AGBL4: variants seen among roughly 807,000 people sequenced by gnomAD.
AGBL4 encodes AGBL carboxypeptidase 4.
A neutral mutation model predicts 66.4 loss-of-function variants in AGBL4; 58 were observed. That is an observed-to-expected ratio of 0.87 (90% CI 0.71 to 1.09). The LOEUF (loss-of-function observed/expected upper bound fraction) is 1.09. AGBL4 is among the 50% of genes least tolerant of loss of function. AGBL4 has a pLI of 0.00. For synonymous variants in AGBL4, 234 were observed against 222.9 expected (o/e 1.05, Z -0.44); for missense variants, 579 against 631.0 (o/e 0.92, Z 0.88).
At chr1:49,375,198 T>C (rs12120453) in intron 3 of AGBL4, among the ~76,000 whole-genome samples, 12,674 of 152,116 alleles carry the variant, frequency 0.083, 806 homozygotes, top group African/African-American at 0.16. Context: ...TCAGACATGA[T>C]ACCTGCCCTT....
At chr1:49,240,894 A>G (rs887223451) in intron 4 of AGBL4, among the ~76,000 whole-genome samples, 1 of 151,844 alleles carries the variant, frequency 6.6e-6, no homozygotes, top group Non-Finnish European at 1.5e-5. Flanking sequence ...AAATCTTCCT[A>G]AACTGTTTCT....
At chr1:49,441,733 A>AGGT (rs1646035424) in intron 3 of AGBL4, among the ~76,000 whole-genome samples, 1 of 152,234 alleles carries the variant, frequency 6.6e-6, no homozygotes, top group Admixed American at 6.5e-5. Flanking sequence ...TTGAATCCTG[A>AGGT]GGTGGCAGGG....
At chr1:48,823,785 T>A (rs1473543319) in intron 6 of AGBL4, among the ~76,000 whole-genome samples, 1 of 152,238 alleles carries the variant, frequency 6.6e-6, no homozygotes, top group East Asian at 1.9e-4. Context: ...CCAAAGCATG[T>A]GTAATGCATG....
At chr1:48,992,200 A>G (rs990101744) in intron 5 of AGBL4, among the ~76,000 whole-genome samples, 2 of 151,758 alleles carry the variant, frequency 1.3e-5, no homozygotes, top group African/African-American at 4.8e-5. Context: ...TTGTAGCCAT[A>G]TCTGCATTAA....
chr1:49,395,563 T>A (rs919357262), intron 3 of AGBL4, among the ~76,000 whole-genome samples: 12 of 148,550 alleles, frequency 8.1e-5, no homozygotes, highest in African/African-American at 2.2e-4. Context: ...TGTGTGTGTG[T>A]GATATTATAT....
At chr1:49,197,127 C>A (rs552281651) in intron 4 of AGBL4, among the ~76,000 whole-genome samples, 2 of 152,176 alleles carry the variant, frequency 1.3e-5, no homozygotes, top group Non-Finnish European at 2.9e-5. Context: ...CTGTGCCTGG[C>A]CCGATGTATG....
Position 49,044,362 on chromosome 1 carries a change from G to A in AGBL4, c.594+1222C>T, listed in dbSNP as rs1476105037. 2.0e-5 allele frequency among the ~76,000 whole-genome samples: 3 copies of A among 152,156 alleles called. 1 individual carries two copies. The highest frequency in any genetic ancestry group is 4.2e-4 in the South Asian group (2 of 4,810). ...AATACAAAAATTAGCTGGGTGTGGT[G>A]GCTGTAATCCCAGCTACTCGGGAGG... is the stretch of plus-strand genomic sequence containing the variant. On this transcript the variant is annotated intron_variant, in intron 5 of 13. Coordinates refer to ENST00000371839, the MANE Select transcript of AGBL4 (RefSeq NM_032785.4).
intron 3 of AGBL4, among the ~76,000 whole-genome samples, chr1:49,507,102 C>G (rs1054255520): frequency 6.6e-6 from 1 of 151,946 alleles, no homozygotes; most frequent in Non-Finnish European, 1.5e-5. Flanking sequence ...CCTAAACCAC[C>G]CTGTAAAAAG....
intron 5 of AGBL4, among the ~76,000 whole-genome samples, chr1:49,022,628 T>C (rs976631289): frequency 2.6e-5 from 4 of 152,142 alleles, no homozygotes; most frequent in African/African-American, 9.7e-5. Flanking sequence ...CTTGATAAAC[T>C]GTAGAATGCC....
intron 3 of AGBL4, among the ~76,000 whole-genome samples, chr1:49,515,109 A>T (rs989088647): frequency 7.2e-5 from 11 of 152,132 alleles, no homozygotes; most frequent in Non-Finnish European, 1.3e-4. Flanking sequence ...CAACCTACAG[A>T]ATGGGAGAAG....
intron 11 of AGBL4, among the ~76,000 whole-genome samples, chr1:48,560,363 G>A (rs1644379535): frequency 6.6e-6 from 1 of 152,164 alleles, no homozygotes; most frequent in Non-Finnish European, 1.5e-5. Context: ...CACTGTGGGT[G>A]ATCCTCAAAT....
At chr1:49,128,619 G>C (rs1252477205) in intron 4 of AGBL4, among the ~76,000 whole-genome samples, 1 of 151,930 alleles carries the variant, frequency 6.6e-6, no homozygotes, top group African/African-American at 2.4e-5. Flanking sequence ...AATAAGGAAA[G>C]GATTGTTCCT....
chr1:49,073,919 G>A (rs1014462078), intron 4 of AGBL4, among the ~76,000 whole-genome samples: 1 of 152,170 alleles, frequency 6.6e-6, no homozygotes, highest in Non-Finnish European at 1.5e-5. Context: ...TCTGACTGGG[G>A]CTGCTGCTTT....
intron 4 of AGBL4, among the ~76,000 whole-genome samples, chr1:49,187,059 T>C (rs916964400): frequency 1.3e-5 from 2 of 152,344 alleles, no homozygotes; most frequent in Admixed American, 1.3e-4. Flanking sequence ...AATTTGGCTT[T>C]AGCCAGCATT....
Position 48,534,238 on chromosome 1 carries a change from A to G in AGBL4, c.1447T>C (p.Tyr483His), listed in dbSNP as rs1643933573. Residue 483 changes from tyrosine to histidine, a missense_variant, in exon 14 of 14, where the codon TAC (tyrosine) becomes CAC (histidine). Physicochemically the swap from Tyr to His is moderately conservative, Grantham distance 83 (BLOSUM62 2). Coordinates refer to ENST00000371839, the MANE Select transcript of AGBL4 (RefSeq NM_032785.4). ...TTCTTGTCCCCTTTGCTGTTGGGGT[A>G]GTTGCTGGCTGGGCCCCGCAGGAGT... ...HPLLRGPASN[Y>H]PNSKGDKKSS... is the part of the protein sequence containing the mutation. 24 of 1,551,656 alleles carry G rather than the reference A, an allele frequency of 1.5e-5. No individual in the cohort carries two copies. The highest frequency in any genetic ancestry group is 2.1e-5 in the Non-Finnish European group (24 of 1,146,932).
chr1:49,782,561 T>A (rs954318291), intron 2 of AGBL4, among the ~76,000 whole-genome samples: 1 of 152,176 alleles, frequency 6.6e-6, no homozygotes, highest in Admixed American at 6.5e-5. Flanking sequence ...GAAGTTCTCA[T>A]GAGTGAGATT....
intron 1 of AGBL4, among the ~76,000 whole-genome samples, chr1:49,935,422 A>G (rs1653873831): frequency 6.6e-6 from 1 of 152,188 alleles, no homozygotes; most frequent in South Asian, 2.1e-4. Flanking sequence ...GACAAACAAA[A>G]AGACAGCAGT....
chr1:49,262,213 G>A (rs993871052), intron 3 of AGBL4, among the ~76,000 whole-genome samples: 1 of 152,098 alleles, frequency 6.6e-6, no homozygotes, highest in Non-Finnish European at 1.5e-5. Flanking sequence ...AACCCTAGAA[G>A]AAAACCTAGG....
At chr1:49,021,461 G>C (rs1446646986) in intron 5 of AGBL4, among the ~76,000 whole-genome samples, 1 of 152,008 alleles carries the variant, frequency 6.6e-6, no homozygotes, top group Non-Finnish European at 1.5e-5. Context: ...CATAAGGGTG[G>C]AGCCCTCATG....
Sources: allele counts gnomAD v4.1 joint callset (sites outside exome capture counted in the v4.1 genomes callset), GRCh38; gene constraint gnomAD v4.1.1; transcripts MANE v1.5; gene names NCBI Gene and HGNC (gene_info 2026-07-23, HGNC 2026-07-21).